CPQ: variants seen among roughly 807,000 people sequenced by gnomAD.
The protein encoded by CPQ is carboxypeptidase Q, also known as Ser-Met dipeptidase.
CPQ carries 37 observed loss-of-function variants against 45.7 expected under a neutral mutation model. The observed-to-expected ratio is 0.81, with a 90% CI of 0.62 to 1.07. The LOEUF is 1.07. Ranked by LOEUF, CPQ falls within the 50% of genes least tolerant of loss-of-function variation. CPQ has a pLI of 0.00. For synonymous variants in CPQ, 186 were observed against 205.8 expected, an observed-to-expected ratio of 0.90 and a Z score of 0.82; for missense variants, 537 against 572.9, an observed-to-expected ratio of 0.94 and a Z score of 0.64.
intron 1 of CPQ, among the ~76,000 whole-genome samples, chr8:96,780,070 G>T (rs916619577): frequency 1.3e-5 from 2 of 152,116 alleles, no homozygotes; most frequent in East Asian, 1.9e-4. Flanking sequence ...GAGATTAAAT[G>T]CTCATTTATT....
chr8:96,735,119 T>G (rs1452359315), intron 1 of CPQ, among the ~76,000 whole-genome samples: 3 of 152,236 alleles, frequency 2.0e-5, no homozygotes, highest in Non-Finnish European at 4.4e-5. Flanking sequence ...ACCACTATGT[T>G]TTTTTCAGGA....
intron 2 of CPQ, among the ~76,000 whole-genome samples, chr8:96,808,646 C>T (rs1811116784): frequency 6.6e-6 from 1 of 152,098 alleles, no homozygotes; most frequent in African/African-American, 2.4e-5. Context: ...ATGCTGTAAA[C>T]CCACCTGTTT....
At chr8:96,995,676 AAAAC>A (rs1365394084) in intron 5 of CPQ, among the ~76,000 whole-genome samples, 1 of 151,656 alleles carries the variant, frequency 6.6e-6, no homozygotes, top group East Asian at 1.9e-4. Context: ...TTTTAAAAAA[AAAAC>A]ACTTCTATTT....
intron 1 of CPQ, among the ~76,000 whole-genome samples, chr8:96,747,288 C>A (rs1200262116): frequency 1.6e-5 from 2 of 121,652 alleles, no homozygotes; most frequent in African/African-American, 3.0e-5. Context: ...GAATCTTTGT[C>A]TCAAAAAAAA....
At chr8:97,057,045 T>C (rs1334994930) in intron 6 of CPQ, among the ~76,000 whole-genome samples, 2 of 152,160 alleles carry the variant, frequency 1.3e-5, no homozygotes, top group Non-Finnish European at 2.9e-5. Flanking sequence ...CATATATAGA[T>C]ACCCTCATAT....
At chr8:96,756,551 C>G (rs1172124017) in intron 1 of CPQ, among the ~76,000 whole-genome samples, 2 of 152,086 alleles carry the variant, frequency 1.3e-5, no homozygotes, top group Non-Finnish European at 2.9e-5. Flanking sequence ...CAATGCAACT[C>G]AACACCTACG....
At chr8:96,671,395 C>G (rs933086054) in intron 1 of CPQ, among the ~76,000 whole-genome samples, 2 of 152,094 alleles carry the variant, frequency 1.3e-5, no homozygotes, top group African/African-American at 4.8e-5. Flanking sequence ...TTTTAGTGTT[C>G]CACTGTAAAT....
intron 3 of CPQ, among the ~76,000 whole-genome samples, chr8:96,855,578 C>T (rs1159382839): frequency 4.6e-5 from 7 of 152,186 alleles, no homozygotes; most frequent in African/African-American, 1.7e-4. Flanking sequence ...ACATTGTCTA[C>T]AGAAGTCCTT....
At position 96,943,785 on chromosome 8, in the gene CPQ, G is replaced by C. The variant is rs555606264; in HGVS notation, c.850-22150G>C. Among the ~76,000 whole-genome samples, 3 of 152,234 alleles carry C rather than the reference G, an allele frequency of 2.0e-5. No homozygotes were observed. The South Asian group carries it at 6.2e-4, about 32-fold the overall frequency. On this transcript the variant is annotated intron_variant, in intron 4 of 7. Coordinates refer to ENST00000220763, the MANE Select transcript of CPQ (RefSeq NM_016134.4). ...TGAAATTTTTCAAAAATGTGTCTAG[G>C]TACAGTAGTTGAAGCTTCTAATGCA...
intron 2 of CPQ, among the ~76,000 whole-genome samples, chr8:96,787,789 G>T (rs1276929234): frequency 1.4e-5 from 2 of 143,718 alleles, no homozygotes; most frequent in Non-Finnish European, 3.1e-5. Flanking sequence ...TTAGTAGTTT[G>T]TGTCTTTTGA....
chr8:96,981,974 T>C (rs981865951), intron 5 of CPQ, among the ~76,000 whole-genome samples: 9 of 152,204 alleles, frequency 5.9e-5, no homozygotes, highest in Non-Finnish European at 8.8e-5. Context: ...AGGACTGTTA[T>C]ATGGATCAAA....
chr8:96,729,827 G>A (rs1809886971), intron 1 of CPQ, among the ~76,000 whole-genome samples: 1 of 151,786 alleles, frequency 6.6e-6, no homozygotes, highest in Admixed American at 6.6e-5. Context: ...ATCTAATCAA[G>A]GATAGTGAAT....
chr8:97,057,110 G>C (rs1452037752), intron 6 of CPQ, among the ~76,000 whole-genome samples: 1 of 152,082 alleles, frequency 6.6e-6, no homozygotes, highest in Admixed American at 6.6e-5. Context: ...CAAGAGAAAG[G>C]AGGCTCTGTT....
At chr8:97,020,804 TTG>T (rs1325334546) in intron 5 of CPQ, among the ~76,000 whole-genome samples, 11 of 152,020 alleles carry the variant, frequency 7.2e-5, no homozygotes, top group African/African-American at 2.7e-4. Flanking sequence ...CAAAGAAGAA[TTG>T]GTACCAATTC....
intron 5 of CPQ, among the ~76,000 whole-genome samples, chr8:96,972,147 C>T (rs1472331003): frequency 6.6e-6 from 1 of 152,200 alleles, no homozygotes; most frequent in Non-Finnish European, 1.5e-5. Context: ...GAAATAGATT[C>T]AGTGCTGTTA....
chr8:96,843,811 A>T (rs983238811), intron 3 of CPQ, among the ~76,000 whole-genome samples: 2 of 152,210 alleles, frequency 1.3e-5, no homozygotes, highest in African/African-American at 2.4e-5. Context: ...CAAAAATGGA[A>T]TCTCTGGAAT....
chr8:96,817,366 T>A (rs1490778338), intron 2 of CPQ, among the ~76,000 whole-genome samples: 1 of 152,166 alleles, frequency 6.6e-6, no homozygotes, highest in African/African-American at 2.4e-5. Flanking sequence ...TGCTCACAGG[T>A]TATCATAACA....
intron 6 of CPQ, among the ~76,000 whole-genome samples, chr8:97,044,184 T>C (rs1281386419): frequency 6.6e-6 from 1 of 152,178 alleles, no homozygotes; most frequent in African/African-American, 2.4e-5. Context: ...TGTTTGTTTC[T>C]TTTTATTCTT....
At chr8:97,045,161 C>CG (rs1554585715) in intron 6 of CPQ, among the ~76,000 whole-genome samples, 18 of 152,182 alleles carry the variant, frequency 1.2e-4, no homozygotes, top group Admixed American at 6.5e-5. Context: ...TTCCCGGCTG[C>CG]TTTTTTTACC....
Sources: allele counts gnomAD v4.1 joint callset (sites outside exome capture counted in the v4.1 genomes callset), GRCh38; gene constraint gnomAD v4.1.1; transcripts MANE v1.5; gene names NCBI Gene and HGNC (gene_info 2026-07-23, HGNC 2026-07-21).